The following OPCML variants were observed in gnomAD, a reference collection of about 807,000 sequenced individuals.
OPCML encodes the protein opioid binding protein/cell adhesion molecule like.
A neutral mutation model predicts 37.8 loss-of-function variants in OPCML; 13 were observed. The ratio of observed to expected loss-of-function variants is 0.34; its 90% confidence interval spans 0.22 to 0.55. The LOEUF (loss-of-function observed/expected upper bound fraction) is 0.55, where lower values mean the gene tolerates loss of function less well. Ranked by LOEUF, OPCML falls within the 20% of genes least tolerant of loss-of-function variation. The pLI, the probability that OPCML is intolerant of heterozygous loss-of-function variation, is 0.91. For synonymous variants in OPCML, 176 were observed against 168.8 expected (o/e 1.04, Z -0.33); for missense variants, 341 against 435.6 (o/e 0.78, Z 1.93).
At chr11:133,377,140 C>G (rs1219857681) in intron 1 of OPCML, among the ~76,000 whole-genome samples, 1 of 152,126 alleles carries the variant, frequency 6.6e-6, no homozygotes, top group African/African-American at 2.4e-5. Context: ...GGGAGAGAAT[C>G]CTAACAGGTT....
At chr11:133,517,384 A>C (rs1051402173) in intron 1 of OPCML, among the ~76,000 whole-genome samples, 12 of 152,246 alleles carry the variant, frequency 7.9e-5, no homozygotes, top group Non-Finnish European at 7.3e-5. Flanking sequence ...GGAGCTCATA[A>C]ACAAGAATTT....
intron 1 of OPCML, among the ~76,000 whole-genome samples, chr11:133,146,927 C>A (rs746522894): frequency 4.0e-4 from 61 of 152,236 alleles, no homozygotes; most frequent in Non-Finnish European, 7.6e-4. Context: ...ATCAGCTATT[C>A]CCCTCCTGAC....
At chr11:132,501,932 T>C (rs1320261960) in intron 4 of OPCML, among the ~76,000 whole-genome samples, 2 of 152,178 alleles carry the variant, frequency 1.3e-5, no homozygotes, top group Non-Finnish European at 2.9e-5. Flanking sequence ...CTGAGTCATG[T>C]TTCTGTGCGA....
At chr11:132,701,789 TGTGTGTG>T (rs774947765) in intron 2 of OPCML, among the ~76,000 whole-genome samples, 1 of 146,678 alleles carries the variant, frequency 6.8e-6, no homozygotes, top group African/African-American at 2.6e-5. Context: ...TGTGTGTGTG[TGTGTGTG>T]GTGGTGGTGG....
intron 1 of OPCML, among the ~76,000 whole-genome samples, chr11:133,019,414 G>A (rs1002906966): frequency 2.0e-5 from 3 of 152,070 alleles, no homozygotes; most frequent in African/African-American, 7.2e-5. Flanking sequence ...GAGGTCAGGC[G>A]GCCCCTTCTC....
chr11:132,456,649 G>A (rs917635229), intron 4 of OPCML, among the ~76,000 whole-genome samples: 15 of 152,328 alleles, frequency 9.8e-5, no homozygotes, highest in African/African-American at 3.6e-4. Flanking sequence ...CTTCCATGAA[G>A]AATCAATGGC....
At chr11:133,168,764 A>G (rs1950248611) in intron 1 of OPCML, among the ~76,000 whole-genome samples, 1 of 152,172 alleles carries the variant, frequency 6.6e-6, no homozygotes, top group Non-Finnish European at 1.5e-5. Flanking sequence ...CTGATGTTCG[A>G]TATTTTTCTA....
At chr11:132,725,164 G>A (rs1435429916) in intron 2 of OPCML, among the ~76,000 whole-genome samples, 14 of 152,218 alleles carry the variant, frequency 9.2e-5, no homozygotes, top group Admixed American at 7.2e-4. Flanking sequence ...GGTTCTCCAT[G>A]AGAGCCCCAC....
At chr11:132,843,289 G>T (rs1441766020) in intron 2 of OPCML, among the ~76,000 whole-genome samples, 1 of 151,806 alleles carries the variant, frequency 6.6e-6, no homozygotes, top group African/African-American at 2.4e-5. Flanking sequence ...AGTAGCAATG[G>T]GGTTTCTTCA....
At chr11:133,420,835 G>A in intron 1 of OPCML, 1 of 985,384 alleles carries the variant, frequency 1.0e-6, no homozygotes, top group Non-Finnish European at 1.2e-6. Context: ...GAGATTTCAT[G>A]CCAAAATATT....
rs150517086 is a variant in OPCML at position 133,276,120 on chromosome 11, GA to G, written c.61+256143del. Among the ~76,000 whole-genome samples, 1,472 of 152,306 alleles carry G rather than the reference GA, an allele frequency of 9.7e-3. 21 individuals carry two copies. The highest frequency in any genetic ancestry group is 0.034 in the African/African-American group (1,427 of 41,560). On this transcript the variant is annotated intron_variant, in intron 1 of 7. Coordinates refer to ENST00000524381, the MANE Select transcript of OPCML (RefSeq NM_001012393.5). ...ACAATTTGGGGATATACAAACCATG[GA>G]AAATATGTCTTTCTTTTGCAGGAAA... is the stretch of plus-strand genomic sequence containing the variant.
intron 1 of OPCML, among the ~76,000 whole-genome samples, chr11:133,253,697 A>G (rs189710575): frequency 1.0e-3 from 158 of 152,378 alleles, no homozygotes; most frequent in Non-Finnish European, 1.7e-3. Flanking sequence ...ATCACTTAAA[A>G]TGAATAAGCA....
In OPCML at chr11:133,206,503, G is replaced by A. The variant is rs552154053; in HGVS notation, c.62-263493C>T. Among the ~76,000 whole-genome samples, 3 of 152,308 alleles carry A rather than the reference G, an allele frequency of 2.0e-5. No homozygotes were observed. The highest frequency in any genetic ancestry group is 6.5e-5 in the Admixed American group (1 of 15,306). ...ATTCTTCCGTTAAAGTTGTGAAAGC[G>A]TGTTAAGAGAGGAAGAGAAACACCC... is the stretch of plus-strand genomic sequence containing the variant. On this transcript the variant is annotated intron_variant, in intron 1 of 7. Transcript: ENST00000524381. This position sits in a 1 kb window ranked among gnomAD's most constrained non-coding sequence, Gnocchi z 4.7.
Position 132,745,717 on chromosome 11 carries a change from G to C in OPCML, c.147-88398C>G, listed in dbSNP as rs141943210. On this transcript the variant is annotated intron_variant, in intron 2 of 7. Transcript: ENST00000524381. ...GGTGCAGCCTCCAGAGCTATTTCAC[G>C]TTGAATGTGTGAGCGCAGTGTAATT... 9.9e-5 allele frequency among the ~76,000 whole-genome samples: 15 copies of C among 152,170 alleles called. No homozygotes were observed. In the East Asian group the frequency reaches 2.9e-3, roughly 30 times the overall value.
chr11:132,486,523 G>A (rs1208924626), intron 4 of OPCML, among the ~76,000 whole-genome samples: 1 of 151,698 alleles, frequency 6.6e-6, no homozygotes, highest in Non-Finnish European at 1.5e-5. Flanking sequence ...TCCTCTCTCG[G>A]TGCTTGCTAG....
chr11:132,637,560 AT>A (rs1003235097), intron 3 of OPCML, among the ~76,000 whole-genome samples: 1 of 151,882 alleles, frequency 6.6e-6, no homozygotes, highest in African/African-American at 2.4e-5. Flanking sequence ...GCTGAATTTT[AT>A]TTTTTTGGCT....
At chr11:132,588,885 A>G (rs1260824649) in intron 3 of OPCML, among the ~76,000 whole-genome samples, 2 of 152,212 alleles carry the variant, frequency 1.3e-5, no homozygotes, top group African/African-American at 4.8e-5. Context: ...ACTCTCGGCA[A>G]GCAACTCTAT....
chr11:132,737,294 T>G (rs916650981), intron 2 of OPCML, among the ~76,000 whole-genome samples: 37 of 152,172 alleles, frequency 2.4e-4, no homozygotes, highest in African/African-American at 8.4e-4. Context: ...TGGGTTGCAG[T>G]TTTTTGTCCC....
In OPCML at chr11:133,174,335, C is replaced by T. The variant is rs1950335153; in HGVS notation, c.62-231325G>A. 6.6e-6 allele frequency among the ~76,000 whole-genome samples: 1 copy of T among 152,094 alleles called. No individual in the cohort carries two copies. Among genetic ancestry groups the T allele is most frequent in the Non-Finnish European group, 1.5e-5 (1 of 68,022 alleles). ...CCTCGCATGAACCTAGGTTCCAGGTCAGATGAAATGGCCATTTCTAGTTTC... is the reference window on the plus strand; with the variant it reads ...CCTCGCATGAACCTAGGTTCCAGGTTAGATGAAATGGCCATTTCTAGTTTC... On this transcript the variant is annotated intron_variant, in intron 1 of 7. Transcript: ENST00000524381. This position sits in a 1 kb window ranked among gnomAD's most constrained non-coding sequence, Gnocchi z 4.6.
Sources: allele counts gnomAD v4.1 joint callset (sites outside exome capture counted in the v4.1 genomes callset), GRCh38; gene constraint gnomAD v4.1.1; non-coding constraint Gnocchi (gnomAD v3.1); transcripts MANE v1.5; gene names NCBI Gene and HGNC (gene_info 2026-07-23, HGNC 2026-07-21).